The following GALNT11 variants were observed in gnomAD, a reference collection of about 807,000 sequenced individuals.
The protein encoded by GALNT11 is polypeptide N-acetylgalactosaminyltransferase 11.
Under a neutral mutation model 72.7 loss-of-function variants are expected in GALNT11, and 47 were observed. The ratio of observed to expected loss-of-function variants is 0.65; its 90% CI spans 0.51 to 0.82. The LOEUF is 0.82. Among genes scored for constraint, GALNT11 ranks in the 40% least tolerant of loss-of-function variants. The pLI, the probability that GALNT11 is intolerant of heterozygous loss-of-function variation, is 0.00. For synonymous variants in GALNT11, 270 were observed against 286.6 expected (o/e 0.94, Z 0.58); for missense variants, 677 against 778.4 (o/e 0.87, Z 1.55).
chr7:152,079,557 T>C (rs1166489106), intron 1 of GALNT11: 2 of 152,254 alleles, frequency 1.3e-5, no homozygotes, highest in African/African-American at 4.8e-5. Context: ...TTTTCGATTG[T>C]CTTACAGAGA....
At chr7:152,110,501 T>A in intron 6 of GALNT11, 27 bp from the exon 7 acceptor site, 1 of 1,515,568 alleles carries the variant, frequency 6.6e-7, no homozygotes, top group Non-Finnish European at 9.1e-7. Flanking sequence ...CTATAAGGAA[T>A]GAGTACAGTA....
chr7:152,106,996 C>A (rs2087632440), intron 5 of GALNT11, among the ~76,000 whole-genome samples: 1 of 152,200 alleles, frequency 6.6e-6, no homozygotes, highest in East Asian at 1.9e-4. Flanking sequence ...CTACATCCCC[C>A]ACCCTTCAGG....
At chr7:152,068,377 T>G (rs2129006622) in intron 1 of GALNT11, among the ~76,000 whole-genome samples, 1 of 152,340 alleles carries the variant, frequency 6.6e-6, no homozygotes, top group Non-Finnish European at 1.5e-5. Context: ...TGAATAAAAC[T>G]CCATTGTATG....
At chr7:152,082,791 G>T (rs2085395063) in intron 1 of GALNT11, among the ~76,000 whole-genome samples, 1 of 152,222 alleles carries the variant, frequency 6.6e-6, no homozygotes, top group Non-Finnish European at 1.5e-5. Context: ...CTTCCCTACA[G>T]CCTCACTCTC....
intron 1 of GALNT11, among the ~76,000 whole-genome samples, chr7:152,073,924 T>C (rs943071074): frequency 3.3e-5 from 5 of 152,252 alleles, no homozygotes; most frequent in African/African-American, 9.6e-5. Context: ...TTTTGTCATA[T>C]ATTTCTTGGC....
At chr7:152,086,571 G>T (rs1347000901) in intron 1 of GALNT11, among the ~76,000 whole-genome samples, 2 of 152,220 alleles carry the variant, frequency 1.3e-5, no homozygotes, top group East Asian at 1.9e-4. Context: ...AAGGAATCAT[G>T]ATGTTGAGCT....
Position 152,112,454 on chromosome 7 carries a change from T to C in GALNT11, c.1081-792T>C, listed in dbSNP as rs902073585. On this transcript the variant is annotated intron_variant, in intron 7 of 11. Coordinates refer to ENST00000430044, the MANE Select transcript of GALNT11 (RefSeq NM_022087.4). ...TACTCGGGAGGCTGAGGCAGGAGAA[T>C]CGCTTGAACCTGGGAGGCAGAGGTT... Among the ~76,000 whole-genome samples, 4 of 151,538 alleles carry C rather than the reference T, an allele frequency of 2.6e-5. No homozygotes were observed. The South Asian group carries it at 8.4e-4, about 32-fold the overall frequency.
chr7:152,115,807 A>G (rs2088781783), intron 8 of GALNT11, among the ~76,000 whole-genome samples: 1 of 152,228 alleles, frequency 6.6e-6, no homozygotes, highest in African/African-American at 2.4e-5. Flanking sequence ...CTGTAATCCC[A>G]GCACTTTGCG....
At chr7:152,048,204 T>G (rs994534614) in intron 1 of GALNT11, among the ~76,000 whole-genome samples, 8 of 152,034 alleles carry the variant, frequency 5.3e-5, no homozygotes, top group South Asian at 4.1e-4. Context: ...GTTTTTTCCT[T>G]CGGCACTTTA....
intron 1 of GALNT11, among the ~76,000 whole-genome samples, chr7:152,055,801 C>A (rs201727972): frequency 5.1e-5 from 7 of 136,886 alleles, no homozygotes; most frequent in African/African-American, 2.0e-4. Context: ...ACTAAAAATT[C>A]TTCTTTTTAA....
At position 152,118,684 on chromosome 7, in the gene GALNT11, C is replaced by T; in HGVS notation, c.1459C>T (p.His487Tyr). 1 of 1,609,050 alleles carries T rather than the reference C, an allele frequency of 6.2e-7. No individual in the cohort carries two copies. The highest frequency in any genetic ancestry group is 8.5e-7 in the Non-Finnish European group (1 of 1,177,962). ...PKVLQRGRLY[H>Y]LQTNKCLVAQ... ...GCTGTGCCTTCTCTTACAGCTCTAT[C>T]ACCTCCAGACCAACAAATGCCTGGT... Residue 487 changes from histidine to tyrosine, a missense_variant, in exon 10 of 12, where the codon CAC (histidine) becomes TAC (tyrosine). His to Tyr is a moderately conservative substitution (Grantham distance 83). Coordinates refer to ENST00000430044, the MANE Select transcript of GALNT11 (RefSeq NM_022087.4).
intron 1 of GALNT11, among the ~76,000 whole-genome samples, chr7:152,034,492 G>A (rs895942638): frequency 6.6e-6 from 1 of 152,106 alleles, no homozygotes; most frequent in Non-Finnish European, 1.5e-5. Flanking sequence ...TCTTTTTCAG[G>A]GTTTGCGGGT....
In GALNT11 at chr7:152,108,032, C is replaced by A. The variant is rs750150158; in HGVS notation, c.713-6C>A. 1 of 1,604,108 alleles carries A rather than the reference C, an allele frequency of 6.2e-7. No individual in the cohort carries two copies. The highest frequency in any genetic ancestry group is 8.5e-7 in the Non-Finnish European group (1 of 1,172,246). Reference sequence around the variant, plus strand: ...CTCTCCTGAGCCTCTGTTGTTTCCTCCCCAGGAGAAGTCCTTGTGTTCCTG... The same window carrying A: ...CTCTCCTGAGCCTCTGTTGTTTCCTACCCAGGAGAAGTCCTTGTGTTCCTG... On this transcript the variant is annotated splice_polypyrimidine_tract_variant and splice_region_variant and intron_variant, in intron 5 of 11. Transcript: ENST00000430044.
At chr7:152,089,769 G>C (rs2085892115) in intron 1 of GALNT11, among the ~76,000 whole-genome samples, 1 of 152,196 alleles carries the variant, frequency 6.6e-6, no homozygotes, top group African/African-American at 2.4e-5. Context: ...TTAACAAAGA[G>C]TTATTAGCAT....
At chr7:152,045,169 C>T (rs917189011) in intron 1 of GALNT11, among the ~76,000 whole-genome samples, 1 of 151,974 alleles carries the variant, frequency 6.6e-6, no homozygotes, top group Non-Finnish European at 1.5e-5. Flanking sequence ...TTTAATGTGT[C>T]ATTGAATTCA....
chr7:152,062,576 C>T (rs1217197995), intron 1 of GALNT11, among the ~76,000 whole-genome samples: 2 of 152,108 alleles, frequency 1.3e-5, no homozygotes, highest in Admixed American at 6.5e-5. Flanking sequence ...AGTTTTTGCC[C>T]ATTCAGTATG....
chr7:152,113,465 T>G (rs1587464376), intron 8 of GALNT11, 67 bp downstream of exon 8: 6 of 1,551,182 alleles, frequency 3.9e-6, no homozygotes, highest in Non-Finnish European at 5.3e-6. Flanking sequence ...AGTGATAGCT[T>G]TAGTTGCTTA....
intron 5 of GALNT11, 131 bp downstream of exon 5, chr7:152,105,501 G>T (rs1379981847): frequency 1.5e-6 from 2 of 1,362,354 alleles, no homozygotes; most frequent in Non-Finnish European, 2.0e-6. Context: ...GAGAGATGAG[G>T]CTTGTTCTGT....
chr7:152,108,524 A>T (rs1257483112), intron 6 of GALNT11, among the ~76,000 whole-genome samples: 1 of 152,206 alleles, frequency 6.6e-6, no homozygotes, highest in Non-Finnish European at 1.5e-5. Flanking sequence ...AGAAGAGCAG[A>T]CAGACCAGGC....
Sources: gnomAD v4.1 joint callset for allele counts (sites outside exome capture counted in the v4.1 genomes callset) on GRCh38, gnomAD v4.1.1 for gene constraint, MANE v1.5 for transcripts, NCBI Gene and HGNC (gene_info 2026-07-23, HGNC 2026-07-21) for gene names.